COL13A1: variants seen among roughly 807,000 people sequenced by gnomAD.
COL13A1 encodes collagen alpha-1(XIII) chain.
Under a neutral mutation model 130.9 loss-of-function variants are expected in COL13A1, and 89 were observed. The ratio of observed to expected loss-of-function variants is 0.68; its 90% CI spans 0.57 to 0.81. The LOEUF (loss-of-function observed/expected upper bound fraction) is 0.81, where lower values mean the gene tolerates loss of function less well. Ranked by LOEUF, COL13A1 falls within the 30% of genes least tolerant of loss-of-function variation. COL13A1 has a pLI of 0.00. For synonymous variants in COL13A1, 402 were observed against 341.6 expected (o/e 1.18, Z -1.95); for missense variants, 879 against 934.6 (o/e 0.94, Z 0.78).
intron 6 of COL13A1, among the ~76,000 whole-genome samples, chr10:69,879,097 ATAT>A (rs1323797732): frequency 6.6e-6 from 1 of 152,242 alleles, no homozygotes; most frequent in Non-Finnish European, 1.5e-5. Context: ...GGAAGCTTTA[ATAT>A]TCTCATTTAC....
chr10:69,809,757 C>T lies in COL13A1; in HGVS notation c.294+7040C>T, dbSNP rs1242034527. Among the ~76,000 whole-genome samples, 110 of 152,254 alleles carry T rather than the reference C, an allele frequency of 7.2e-4. 1 individual carries two copies. The highest frequency in any genetic ancestry group is 8.8e-5 in the Non-Finnish European group (6 of 68,048). ...TGCCTTGGCGTCAGGGCCGTGCCAC[C>T]ATCTTTGTTGTAAGAAAGACATTAT... On this transcript the variant is annotated intron_variant, in intron 1 of 40. Transcript: ENST00000645393.
intron 2 of COL13A1, among the ~76,000 whole-genome samples, chr10:69,847,153 C>T (rs2133401342): frequency 1.3e-5 from 2 of 152,290 alleles, no homozygotes; most frequent in Middle Eastern, 6.8e-3. Context: ...TGCTTAGGGC[C>T]TGACCCCAGC....
chr10:69,946,479 G>C (rs965702590), intron 37 of COL13A1, among the ~76,000 whole-genome samples: 1 of 152,244 alleles, frequency 6.6e-6, no homozygotes, highest in African/African-American at 2.4e-5. Flanking sequence ...CTGCCTGAGA[G>C]AGCCCGCACT....
At chr10:69,872,747 G>C (rs1238042765) in intron 4 of COL13A1, among the ~76,000 whole-genome samples, 1 of 152,170 alleles carries the variant, frequency 6.6e-6, no homozygotes, top group African/African-American at 2.4e-5. Flanking sequence ...GAAGAGCCAG[G>C]TACTGCATTT....
rs139579790 is a variant in COL13A1 at position 69,849,887 on chromosome 10, G to A, written c.365-17911G>A. Among the ~76,000 whole-genome samples, 529 of 152,314 alleles carry A rather than the reference G, an allele frequency of 3.5e-3. 4 individuals carry two copies. The highest frequency in any genetic ancestry group is 0.012 in the African/African-American group (505 of 41,564). On this transcript the variant is annotated intron_variant, in intron 2 of 40. Coordinates refer to ENST00000645393, the MANE Select transcript of COL13A1 (RefSeq NM_001368882.1). ...GGATGGGGCTGAAACTGGGCCCCAC[G>A]GCCAGCTCCCGAGTAAGGTCAGAGG...
At chr10:69,810,861 A>G (rs1842858647) in intron 1 of COL13A1, among the ~76,000 whole-genome samples, 1 of 152,206 alleles carries the variant, frequency 6.6e-6, no homozygotes, top group Non-Finnish European at 1.5e-5. Context: ...GCCTCCTTGC[A>G]GAGATGCTGT....
In COL13A1 at chr10:69,952,600, C is replaced by T. The variant is rs189864958; in HGVS notation, c.2059-282C>T. On this transcript the variant is annotated intron_variant, in intron 38 of 40. Coordinates refer to ENST00000645393, the MANE Select transcript of COL13A1 (RefSeq NM_001368882.1). ...ACGCTGGGCTTAGTATTAGCAAAACCGGCCACCAAAATCTTCAGTCTGTGG... is the reference window on the plus strand; with the variant it reads ...ACGCTGGGCTTAGTATTAGCAAAACTGGCCACCAAAATCTTCAGTCTGTGG... Among the ~76,000 whole-genome samples, 123 of 152,254 alleles carry T rather than the reference C, an allele frequency of 8.1e-4. 1 individual carries two copies. The highest frequency in any genetic ancestry group is 2.9e-3 in the African/African-American group (119 of 41,524).
Position 69,932,595 on chromosome 10 carries a change from A to C in COL13A1, c.1719A>C (p.Pro573=), listed in dbSNP as rs774539729. ...EKGEAGEKGN[P]GAEVPGLPGP... is the part of the protein sequence containing the mutation. ...GAGAAGCCGGGGAGAAGGGCAATCC[A>C]GGAGCAGAGGTACATGAGAGATAAT... The change falls in exon 31 of 41, where the codon CCA becomes CCC. Residue 573 remains proline, a synonymous_variant. Transcript: ENST00000645393. The C allele has an allele frequency of 6.2e-7, 1 of 1,606,580 alleles. No homozygotes were observed. The highest frequency in any genetic ancestry group is 1.1e-5 in the South Asian group (1 of 90,786).
rs1421594786 is a variant in COL13A1 at position 69,802,554 on chromosome 10, C to G, written c.131C>G (p.Ser44Trp). The G allele has an allele frequency of 3.7e-6, 6 of 1,609,246 alleles. No individual in the cohort carries two copies. Among genetic ancestry groups the G allele is most frequent in the Non-Finnish European group, 5.1e-6 (6 of 1,178,018 alleles). Residue 44 changes from serine (S) to tryptophan (W), a missense_variant, in exon 1 of 41, where the codon TCG becomes TGG. Around this residue, in one of 3 missense-constraint regions of COL13A1, gnomAD observed 715 missense variants for 721.0 expected, o/e 0.99. Transcript: ENST00000645393. ...ERGARLPSPG[S>W]CGLLTLALCS... ...GGCGCACGGCTGCCGAGTCCAGGGT[C>G]GTGCGGGCTGCTGACGCTGGCCCTC... is the stretch of plus-strand genomic sequence containing the variant.
intron 36 of COL13A1, 73 bp from the exon 37 acceptor site, chr10:69,945,598 C>T: frequency 1.3e-6 from 2 of 1,563,812 alleles, no homozygotes; most frequent in Non-Finnish European, 1.7e-6. Flanking sequence ...GTATTTCATA[C>T]CAAAGTAGAA....
rs752096887 is a variant in COL13A1, at chr10:69,880,580, G to A, written c.513+27G>A. ...TAAGTTGTTTTTGCTCTTCCTCGGGGTGTTGGGGGGATGGGTGAGTTGATG... is the reference window on the plus strand; with the variant it reads ...TAAGTTGTTTTTGCTCTTCCTCGGGATGTTGGGGGGATGGGTGAGTTGATG... On this transcript the variant is annotated intron_variant, in intron 7 of 40. Coordinates refer to ENST00000645393, the MANE Select transcript of COL13A1 (RefSeq NM_001368882.1). 5 of 1,611,596 alleles carry A rather than the reference G, an allele frequency of 3.1e-6. No individual in the cohort carries two copies. In the South Asian group the frequency reaches 3.3e-5, roughly 11 times the overall value.
At chr10:69,893,067 C>T (rs534513959) in intron 10 of COL13A1, among the ~76,000 whole-genome samples, 3 of 152,340 alleles carry the variant, frequency 2.0e-5, no homozygotes, top group East Asian at 3.9e-4. Context: ...AGCACTCTGC[C>T]AGGCCGAGCG....
chr10:69,861,227 C>T (rs1299064846), intron 2 of COL13A1, among the ~76,000 whole-genome samples: 3 of 152,180 alleles, frequency 2.0e-5, no homozygotes, highest in Non-Finnish European at 4.4e-5. Context: ...TGGAGCCAGA[C>T]CAAGTGCCCC....
intron 6 of COL13A1, 124 bp from the exon 7 acceptor site, chr10:69,880,379 A>G (rs1444094085): frequency 1.4e-6 from 1 of 718,928 alleles, no homozygotes; most frequent in Non-Finnish European, 2.6e-6. Flanking sequence ...CTCCTGTCCC[A>G]TGGGGCCGGC....
chr10:69,844,103 C>G (rs77196670), intron 2 of COL13A1, among the ~76,000 whole-genome samples: 1 of 152,138 alleles, frequency 6.6e-6, no homozygotes, highest in African/African-American at 2.4e-5. Flanking sequence ...CCGGAAGAGG[C>G]GGCATTTGCT....
At chr10:69,863,239 G>A (rs1043553264) in intron 2 of COL13A1, among the ~76,000 whole-genome samples, 2 of 152,170 alleles carry the variant, frequency 1.3e-5, no homozygotes, top group African/African-American at 2.4e-5. Context: ...CTTCCCAGTC[G>A]TGAAATCAAA....
chr10:69,930,192 G>A (rs2065920574), intron 29 of COL13A1, 105 bp downstream of exon 29: 4 of 1,230,836 alleles, frequency 3.2e-6, no homozygotes, highest in Non-Finnish European at 3.4e-6. Flanking sequence ...TGAGCCCAGT[G>A]GGCAAGGGAA....
intron 13 of COL13A1, among the ~76,000 whole-genome samples, chr10:69,897,166 G>A (rs1224872426): frequency 6.6e-6 from 1 of 152,212 alleles, no homozygotes; most frequent in Non-Finnish European, 1.5e-5. Flanking sequence ...TGGGGAACAT[G>A]TCAAGCGTGG....
At chr10:69,864,158 T>C (rs1233369901) in intron 2 of COL13A1, among the ~76,000 whole-genome samples, 1 of 152,200 alleles carries the variant, frequency 6.6e-6, no homozygotes, top group Non-Finnish European at 1.5e-5. Context: ...GTGACCACCT[T>C]AGGCAGGTTG....
Sources: allele counts gnomAD v4.1 joint callset (sites outside exome capture counted in the v4.1 genomes callset), GRCh38; gene constraint gnomAD v4.1.1; regional missense constraint gnomAD v4.1.1; transcripts MANE v1.5; gene names NCBI Gene and HGNC (gene_info 2026-07-23, HGNC 2026-07-21).